SPOCK1: variants seen among roughly 807,000 people sequenced by gnomAD.
SPOCK1 encodes SPARC (osteonectin), cwcv and kazal like domains proteoglycan 1, also known as testican-1.
A neutral mutation model predicts 55.3 loss-of-function variants in SPOCK1; 23 were observed. The observed-to-expected ratio is 0.42, with a 90% CI of 0.30 to 0.59. The LOEUF (loss-of-function observed/expected upper bound fraction) is 0.59, where lower values mean the gene tolerates loss of function less well. Ranked by LOEUF, SPOCK1 falls within the 20% of genes least tolerant of loss-of-function variation. The pLI is 0.22. For synonymous variants in SPOCK1, 226 were observed against 221.0 expected (o/e 1.02, Z -0.20); for missense variants, 499 against 552.5 (o/e 0.90, Z 0.97).
intron 6 of SPOCK1, among the ~76,000 whole-genome samples, chr5:137,040,041 T>A (rs746877319): frequency 2.2e-4 from 33 of 152,250 alleles, no homozygotes; most frequent in Non-Finnish European, 4.6e-4. Flanking sequence ...GGAGCTGTCA[T>A]GCACAGCCAG....
At chr5:137,154,574 G>A (rs1380437854) in intron 3 of SPOCK1, among the ~76,000 whole-genome samples, 1 of 152,172 alleles carries the variant, frequency 6.6e-6, no homozygotes, top group Non-Finnish European at 1.5e-5. Flanking sequence ...TTAGAATGAT[G>A]GGTTCTCACA....
intron 6 of SPOCK1, among the ~76,000 whole-genome samples, chr5:137,044,350 G>C (rs1752064091): frequency 6.6e-6 from 1 of 152,108 alleles, no homozygotes; most frequent in African/African-American, 2.4e-5. Flanking sequence ...ACTTTATCGT[G>C]AAAGTTTTAA....
At chr5:137,446,231 A>G (rs1385615595) in intron 2 of SPOCK1, among the ~76,000 whole-genome samples, 2 of 152,234 alleles carry the variant, frequency 1.3e-5, no homozygotes, top group East Asian at 1.9e-4. Context: ...GGGGAGACAG[A>G]AGCACCCAAA....
At chr5:137,007,524 G>A (rs1751272966) in intron 6 of SPOCK1, among the ~76,000 whole-genome samples, 1 of 152,096 alleles carries the variant, frequency 6.6e-6, no homozygotes, top group Non-Finnish European at 1.5e-5. Flanking sequence ...ATGTCGCCAA[G>A]CAACATATGA....
At chr5:137,434,760 C>A (rs1752824133) in intron 2 of SPOCK1, among the ~76,000 whole-genome samples, 1 of 152,018 alleles carries the variant, frequency 6.6e-6, no homozygotes, top group Non-Finnish European at 1.5e-5. Context: ...CTCGGCCTCC[C>A]AAAGTGCTGG....
At chr5:137,216,728 C>A (rs1234991360) in intron 3 of SPOCK1, among the ~76,000 whole-genome samples, 1 of 151,980 alleles carries the variant, frequency 6.6e-6, no homozygotes. Context: ...AGGGCTCATG[C>A]AATATGTTAG....
intron 2 of SPOCK1, among the ~76,000 whole-genome samples, chr5:137,311,625 CAT>C (rs913139092): frequency 3.3e-5 from 5 of 152,178 alleles, no homozygotes; most frequent in African/African-American, 7.2e-5. Flanking sequence ...CACATAAGCA[CAT>C]GTGTACACTT....
chr5:137,244,184 T>C (rs940072410), intron 3 of SPOCK1, among the ~76,000 whole-genome samples: 1 of 152,168 alleles, frequency 6.6e-6, no homozygotes, highest in African/African-American at 2.4e-5. Flanking sequence ...AAAGAGACTA[T>C]ATTACATTCA....
At chr5:137,262,591 T>C (rs1035415601) in intron 3 of SPOCK1, among the ~76,000 whole-genome samples, 2 of 152,180 alleles carry the variant, frequency 1.3e-5, no homozygotes, top group Non-Finnish European at 2.9e-5. Flanking sequence ...TCCAGTTCAG[T>C]GCATTTAAAC....
chr5:137,490,435 A>C (rs959421386), intron 2 of SPOCK1, among the ~76,000 whole-genome samples: 7 of 152,188 alleles, frequency 4.6e-5, no homozygotes, highest in Admixed American at 2.6e-4. Flanking sequence ...ATCAAGACCA[A>C]ATTATGGGCA....
At chr5:137,438,597 G>T (rs1752914660) in intron 2 of SPOCK1, among the ~76,000 whole-genome samples, 1 of 152,162 alleles carries the variant, frequency 6.6e-6, no homozygotes, top group Non-Finnish European at 1.5e-5. Context: ...ACCACTGTGT[G>T]CCTTTGTAAG....
At chr5:137,000,215 G>A (rs1327156023) in intron 6 of SPOCK1, among the ~76,000 whole-genome samples, 1 of 152,126 alleles carries the variant, frequency 6.6e-6, no homozygotes, top group Non-Finnish European at 1.5e-5. Context: ...GCCCTCCTAG[G>A]TGCTGTTGTG....
At position 137,108,030 on chromosome 5, in the gene SPOCK1, G is replaced by T. The variant is rs527982131; in HGVS notation, c.474+4405C>A. Reference sequence around the variant, plus strand: ...TGCGTCATGGTCTCATCTGTCCTTTGTTTCCTGACACCGATGATCCAAAAA... The same window carrying T: ...TGCGTCATGGTCTCATCTGTCCTTTTTTTCCTGACACCGATGATCCAAAAA... On this transcript the variant is annotated intron_variant, in intron 5 of 10. Coordinates refer to ENST00000394945, the MANE Select transcript of SPOCK1 (RefSeq NM_004598.4). Among the ~76,000 whole-genome samples the T allele has an allele frequency of 2.4e-4, 36 of 152,268 alleles. No individual in the cohort carries two copies. The South Asian group carries it at 3.9e-3, about 17-fold the overall frequency.
At chr5:137,158,326 G>A (rs929479467) in intron 3 of SPOCK1, among the ~76,000 whole-genome samples, 1 of 152,164 alleles carries the variant, frequency 6.6e-6, no homozygotes, top group Non-Finnish European at 1.5e-5. Flanking sequence ...TTTCCAACCT[G>A]GGGTTTTCCA....
At chr5:137,002,929 A>T (rs1751177917) in intron 6 of SPOCK1, among the ~76,000 whole-genome samples, 2 of 152,214 alleles carry the variant, frequency 1.3e-5, no homozygotes, top group South Asian at 4.1e-4. Flanking sequence ...ACTGGCCAAC[A>T]GCAGTCAGTG....
intron 2 of SPOCK1, among the ~76,000 whole-genome samples, chr5:137,494,685 T>C (rs1234808795): frequency 1.3e-5 from 2 of 152,248 alleles, no homozygotes; most frequent in African/African-American, 2.4e-5. Context: ...TATGACAGCA[T>C]AAGTTAAAGA....
At chr5:137,346,546 G>A (rs1385217983) in intron 2 of SPOCK1, among the ~76,000 whole-genome samples, 1 of 152,172 alleles carries the variant, frequency 6.6e-6, no homozygotes, top group Non-Finnish European at 1.5e-5. Flanking sequence ...CTGCACAGAG[G>A]GTGAACAGGA....
intron 5 of SPOCK1, among the ~76,000 whole-genome samples, chr5:137,088,845 A>G (rs1467986467): frequency 6.6e-6 from 1 of 152,178 alleles, no homozygotes; most frequent in Non-Finnish European, 1.5e-5. Flanking sequence ...GTGGATGTGC[A>G]ACTTGGTGCA....
intron 2 of SPOCK1, among the ~76,000 whole-genome samples, chr5:137,341,539 C>A (rs998631635): frequency 6.6e-6 from 1 of 152,208 alleles, no homozygotes; most frequent in Non-Finnish European, 1.5e-5. Context: ...CCTACTAGCA[C>A]AGAAGGACGT....
Sources: allele counts gnomAD v4.1 joint callset (sites outside exome capture counted in the v4.1 genomes callset), GRCh38; gene constraint gnomAD v4.1.1; transcripts MANE v1.5; gene names NCBI Gene and HGNC (gene_info 2026-07-23, HGNC 2026-07-21).